Variants in EXOC4 observed in about 807,000 individuals in gnomAD.
The protein encoded by EXOC4 is exocyst complex component 4, also known as SEC8-like 1.
Under a neutral mutation model 107.2 loss-of-function variants are expected in EXOC4, and 71 were observed. That is an observed-to-expected ratio of 0.66 (90% CI 0.55 to 0.81). EXOC4 has a LOEUF of 0.81. Among genes scored for constraint, EXOC4 ranks in the 30% least tolerant of loss-of-function variants. The probability of loss-of-function intolerance (pLI) is 0.00; values close to 1 mark genes in which losing one functional copy is unlikely to be tolerated. For missense variants in EXOC4, 1,108 were observed against 1,189.6 expected (o/e 0.93, Z 1.01); for synonymous variants, 456 against 441.2 (o/e 1.03, Z -0.42).
chr7:133,433,390 GTTGGACTTGGTCT>G (rs1175777921), intron 7 of EXOC4, among the ~76,000 whole-genome samples: 7 of 152,190 alleles, frequency 4.6e-5, no homozygotes, highest in African/African-American at 1.7e-4. Flanking sequence ...TGCTTGTGCA[GTTGGACTTGGTCT>G]TTGCACTTCT....
chr7:133,719,021 A>G (rs1454488611), intron 10 of EXOC4, among the ~76,000 whole-genome samples: 3 of 152,092 alleles, frequency 2.0e-5, no homozygotes, highest in East Asian at 1.9e-4. Context: ...CCCCACCCAA[A>G]TCTCATCTTG....
At chr7:133,675,696 T>A (rs1794041992) in intron 10 of EXOC4, among the ~76,000 whole-genome samples, 1 of 152,212 alleles carries the variant, frequency 6.6e-6, no homozygotes, top group Admixed American at 6.5e-5. Context: ...CAAGATGAAT[T>A]AGCCCCTCAC....
chr7:133,334,697 C>G (rs996805318), intron 5 of EXOC4, among the ~76,000 whole-genome samples: 3 of 152,054 alleles, frequency 2.0e-5, no homozygotes, highest in Non-Finnish European at 2.9e-5. Context: ...TTCTGATTCT[C>G]TCCCTCCTCC....
intron 10 of EXOC4, among the ~76,000 whole-genome samples, chr7:133,735,187 A>G (rs1256166345): frequency 7.6e-6 from 1 of 131,966 alleles, no homozygotes; most frequent in Admixed American, 9.0e-5. Flanking sequence ...GCCACTGCAC[A>G]CCAGCCTGGG....
chr7:133,804,217 G>A (rs1797017373), intron 10 of EXOC4, among the ~76,000 whole-genome samples: 1 of 151,810 alleles, frequency 6.6e-6, no homozygotes. Flanking sequence ...AACAGAGAAA[G>A]ATACCAACAG....
intron 12 of EXOC4, among the ~76,000 whole-genome samples, chr7:133,899,094 C>CT (rs1186095814): frequency 2.6e-3 from 373 of 145,076 alleles, no homozygotes; most frequent in Non-Finnish European, 3.9e-3. Flanking sequence ...AAATATAAAG[C>CT]TTTTTTTTTT....
intron 12 of EXOC4, among the ~76,000 whole-genome samples, chr7:133,913,380 T>C (rs1444259228): frequency 6.6e-6 from 1 of 152,214 alleles, no homozygotes; most frequent in Non-Finnish European, 1.5e-5. Flanking sequence ...CTGACTGATG[T>C]GGTGAGTTCA....
chr7:133,384,972 G>A (rs183852334), intron 7 of EXOC4, among the ~76,000 whole-genome samples: 8 of 152,166 alleles, frequency 5.3e-5, no homozygotes, highest in African/African-American at 1.7e-4. Context: ...ACTTGGCCAC[G>A]CATCTGCAGC....
chr7:133,998,318 C>G (rs1462353611), intron 15 of EXOC4, among the ~76,000 whole-genome samples: 1 of 152,160 alleles, frequency 6.6e-6, no homozygotes, highest in Non-Finnish European at 1.5e-5. Context: ...TGCTTGGTAG[C>G]TACATGTGCC....
At chr7:133,624,101 A>G (rs1802396515) in intron 9 of EXOC4, among the ~76,000 whole-genome samples, 1 of 152,158 alleles carries the variant, frequency 6.6e-6, no homozygotes, top group Non-Finnish European at 1.5e-5. Context: ...TATTTGCTAT[A>G]AAAGAATTCA....
At chr7:133,272,492 T>C (rs1793895409) in intron 1 of EXOC4, among the ~76,000 whole-genome samples, 1 of 152,128 alleles carries the variant, frequency 6.6e-6, no homozygotes, top group Non-Finnish European at 1.5e-5. Flanking sequence ...TTCTATAAAA[T>C]GTGCAACACA....
Position 133,830,907 on chromosome 7 carries a change from C to T in EXOC4, c.1734+13363C>T, listed in dbSNP as rs546792591. Among the ~76,000 whole-genome samples the T allele has an allele frequency of 2.0e-4, 31 of 152,228 alleles. No homozygotes were observed. In the South Asian group the frequency reaches 6.2e-3, roughly 31 times the overall value. ...TTTTGTTGTTATGGCTTCTTAGGCT[C>T]TCTTAAATGTGATAGTTTTCTCACT... On this transcript the variant is annotated intron_variant, in intron 11 of 17. Transcript: ENST00000253861.
At chr7:133,336,819 C>T (rs1369202311) in intron 5 of EXOC4, among the ~76,000 whole-genome samples, 1 of 151,868 alleles carries the variant, frequency 6.6e-6, no homozygotes, top group East Asian at 1.9e-4. Flanking sequence ...CTGCAACCTC[C>T]GCCTCCCGGG....
At chr7:133,920,121 A>G (rs1461400124) in intron 13 of EXOC4, among the ~76,000 whole-genome samples, 3 of 152,136 alleles carry the variant, frequency 2.0e-5, no homozygotes, top group African/African-American at 2.4e-5. Context: ...TTAATTTGCA[A>G]TTTCCTAATG....
intron 10 of EXOC4, among the ~76,000 whole-genome samples, chr7:133,792,060 A>G (rs1796713970): frequency 1.3e-5 from 2 of 152,094 alleles, no homozygotes; most frequent in South Asian, 4.1e-4. Flanking sequence ...GCTGTGGACC[A>G]TGGACAAACA....
the EXOC4 span, among the ~76,000 whole-genome samples, chr7:134,100,370 T>C: frequency 3.2e-5 from 4 of 123,508 alleles, 1 homozygote; most frequent in African/African-American, 1.1e-4. Context: ...CCTCCAGAAC[T>C]GTGAGACAAT....
At chr7:133,766,690 A>G (rs1190262357) in intron 10 of EXOC4, among the ~76,000 whole-genome samples, 2 of 151,998 alleles carry the variant, frequency 1.3e-5, no homozygotes, top group Non-Finnish European at 2.9e-5. Context: ...CACCTACTAT[A>G]GAAGAGAGAG....
intron 17 of EXOC4, among the ~76,000 whole-genome samples, chr7:134,021,653 T>A (rs1447629202): frequency 6.7e-6 from 1 of 150,126 alleles, no homozygotes; most frequent in Non-Finnish European, 1.5e-5. Flanking sequence ...GCCTGGAATC[T>A]ACATGTTTAA....
intron 9 of EXOC4, among the ~76,000 whole-genome samples, chr7:133,504,385 A>C (rs1315183330): frequency 1.3e-5 from 2 of 152,082 alleles, no homozygotes; most frequent in Non-Finnish European, 2.9e-5. Flanking sequence ...TTTCTCCTTT[A>C]ATGTGAAGAT....
Sources: gnomAD v4.1 joint callset for allele counts (sites outside exome capture counted in the v4.1 genomes callset) on GRCh38, gnomAD v4.1.1 for gene constraint, MANE v1.5 for transcripts, NCBI Gene and HGNC (gene_info 2026-07-23, HGNC 2026-07-21) for gene names.